SLC30A8: variants seen among roughly 807,000 people sequenced by gnomAD.
SLC30A8 encodes proton-coupled zinc antiporter SLC30A8.
Under a neutral mutation model 36.9 loss-of-function variants are expected in SLC30A8, and 27 were observed. That is an observed-to-expected ratio of 0.73 (90% CI 0.54 to 1.01). The LOEUF is 1.01. Among genes scored for constraint, SLC30A8 ranks in the 50% least tolerant of loss-of-function variants. SLC30A8 has a pLI of 0.00. For synonymous variants in SLC30A8, 164 were observed against 172.4 expected, an observed-to-expected ratio of 0.95 and a Z score of 0.38; for missense variants, 439 against 452.0, an observed-to-expected ratio of 0.97 and a Z score of 0.26.
intron 6 of SLC30A8, among the ~76,000 whole-genome samples, chr8:117,169,733 C>A (rs1449116878): frequency 6.6e-6 from 1 of 152,046 alleles, no homozygotes; most frequent in Non-Finnish European, 1.5e-5. Flanking sequence ...AGGCACGTCA[C>A]ATGATGGGAA....
At chr8:117,135,809 T>G (rs947799958) in intron 1 of SLC30A8, among the ~76,000 whole-genome samples, 10 of 151,980 alleles carry the variant, frequency 6.6e-5, no homozygotes, top group Non-Finnish European at 1.2e-4. Context: ...AATGAGCTGT[T>G]GTTTTCATGC....
chr8:117,005,899 T>C (rs1160177654), intron 1 of SLC30A8, among the ~76,000 whole-genome samples: 1 of 152,340 alleles, frequency 6.6e-6, no homozygotes, highest in East Asian at 1.9e-4. Flanking sequence ...TGACAGATAC[T>C]GCATCCAGTT....
intron 1 of SLC30A8, among the ~76,000 whole-genome samples, chr8:117,140,963 C>T (rs563374077): frequency 5.3e-5 from 8 of 151,896 alleles, no homozygotes; most frequent in African/African-American, 1.2e-4. Flanking sequence ...AGAAAGACAC[C>T]GACTACCATA....
At chr8:117,018,262 A>G (rs897796743) in intron 1 of SLC30A8, 28 of 130,560 alleles carry the variant, frequency 2.1e-4, no homozygotes, top group African/African-American at 7.5e-4. Context: ...AAATAAATAC[A>G]TACATACATA....
intron 2 of SLC30A8, among the ~76,000 whole-genome samples, chr8:117,118,917 G>A (rs759520402): frequency 6.6e-6 from 1 of 151,828 alleles, no homozygotes; most frequent in South Asian, 2.1e-4. Flanking sequence ...AGTTAACATC[G>A]AAACTCACTC....
At chr8:117,096,525 C>T (rs1819372444) in intron 2 of SLC30A8, among the ~76,000 whole-genome samples, 1 of 151,880 alleles carries the variant, frequency 6.6e-6, no homozygotes, top group Non-Finnish European at 1.5e-5. Flanking sequence ...ACATTTGGGT[C>T]AAGGAAATCT....
chr8:117,142,844 C>G (rs918347856), intron 1 of SLC30A8, among the ~76,000 whole-genome samples: 1 of 152,108 alleles, frequency 6.6e-6, no homozygotes, highest in African/African-American at 2.4e-5. Context: ...TACTAAAATA[C>G]AAGATCTTTA....
At chr8:117,121,984 T>A (rs1820713125) in intron 2 of SLC30A8, among the ~76,000 whole-genome samples, 2 of 151,746 alleles carry the variant, frequency 1.3e-5, no homozygotes, top group South Asian at 4.1e-4. Context: ...CTTATGTTTT[T>A]CACAATAAAA....
intron 1 of SLC30A8, among the ~76,000 whole-genome samples, chr8:117,000,162 A>T (rs983399313): frequency 4.6e-5 from 7 of 152,198 alleles, no homozygotes; most frequent in Non-Finnish European, 7.3e-5. Context: ...GCCATGTCTT[A>T]TGTGTTGTGG....
intron 2 of SLC30A8, among the ~76,000 whole-genome samples, chr8:117,053,159 G>T (rs546074718): frequency 6.6e-6 from 1 of 151,968 alleles, no homozygotes; most frequent in Non-Finnish European, 1.5e-5. Flanking sequence ...GTGATCTGCC[G>T]GCCTCGTGAT....
chr8:117,051,507 G>A (rs1203663023), intron 2 of SLC30A8, among the ~76,000 whole-genome samples: 2 of 152,146 alleles, frequency 1.3e-5, no homozygotes, highest in African/African-American at 2.4e-5. Flanking sequence ...CTTCATGTGA[G>A]AGCTGGTTGT....
chr8:117,124,408 C>T (rs1421133911), intron 2 of SLC30A8, among the ~76,000 whole-genome samples: 2 of 151,912 alleles, frequency 1.3e-5, no homozygotes, highest in Non-Finnish European at 2.9e-5. Context: ...TAGAGAGGCT[C>T]TGCTGATTCA....
intron 6 of SLC30A8, among the ~76,000 whole-genome samples, chr8:117,165,268 T>C (rs1823001147): frequency 6.6e-6 from 1 of 152,074 alleles, no homozygotes; most frequent in South Asian, 2.1e-4. Context: ...ATAAATGGCA[T>C]TATGTCTAGA....
intron 1 of SLC30A8, among the ~76,000 whole-genome samples, chr8:117,139,767 G>A (rs1489867721): frequency 6.6e-6 from 1 of 151,194 alleles, no homozygotes; most frequent in East Asian, 2.0e-4. Flanking sequence ...GGAAATGGGA[G>A]AGGATAAGAA....
At chr8:116,953,398 A>G (rs1814068646) in intron 1 of SLC30A8, among the ~76,000 whole-genome samples, 1 of 152,114 alleles carries the variant, frequency 6.6e-6, no homozygotes. Context: ...ATTTCTATTT[A>G]TAATTTTAAT....
intron 3 of SLC30A8, among the ~76,000 whole-genome samples, chr8:117,155,008 A>G (rs761672160): frequency 6.6e-6 from 1 of 152,212 alleles, no homozygotes; most frequent in Non-Finnish European, 1.5e-5. Flanking sequence ...GCAGCCATGC[A>G]TGATTGGTGG....
At chr8:116,972,427 C>T (rs1306458706) in intron 1 of SLC30A8, among the ~76,000 whole-genome samples, 2 of 152,164 alleles carry the variant, frequency 1.3e-5, no homozygotes, top group Non-Finnish European at 2.9e-5. Context: ...GAGGAATAAG[C>T]GACTGCTGTT....
chr8:117,045,931 C>T (rs1241023405), intron 2 of SLC30A8, among the ~76,000 whole-genome samples: 3 of 150,488 alleles, frequency 2.0e-5, no homozygotes, highest in African/African-American at 2.4e-5. Flanking sequence ...TTTTTTTTTC[C>T]CCCTTCTTTT....
rs555991322 is a variant in SLC30A8, at chr8:116,981,385, AGAG to A, written c.-266+30273_-266+30275del. 2.2e-3 allele frequency among the ~76,000 whole-genome samples: 331 copies of A among 152,350 alleles called. 3 individuals carry two copies. Among genetic ancestry groups the A allele is most frequent in the Middle Eastern group, 6.8e-3 (2 of 294 alleles). ...GAAGTCACAAGTAGGCCCTGATACA[AGAG>A]GAGGAGAAGTCAGTCCTACTTATTT... is the stretch of plus-strand genomic sequence containing the variant. On this transcript the variant is annotated intron_variant, in intron 1 of 10. Transcript: ENST00000427715.
Sources: allele counts gnomAD v4.1 joint callset (sites outside exome capture counted in the v4.1 genomes callset), GRCh38; gene constraint gnomAD v4.1.1; transcripts MANE v1.5; gene names NCBI Gene and HGNC (gene_info 2026-07-23, HGNC 2026-07-21).